Variants in JAKMIP3 observed in about 807,000 individuals in gnomAD.
The protein encoded by JAKMIP3 is Janus kinase and microtubule interacting protein 3.
In JAKMIP3, 58 loss-of-function variants were observed where a neutral mutation model predicts 118.5. The observed-to-expected ratio is 0.49, with a 90% CI of 0.40 to 0.61. JAKMIP3 has a LOEUF of 0.61. JAKMIP3 is among the 20% of genes least tolerant of loss of function. The probability of loss-of-function intolerance (pLI) is 0.00; values close to 1 mark genes in which losing one functional copy is unlikely to be tolerated. For missense variants in JAKMIP3, 950 were observed against 1,109.0 expected (o/e 0.86, Z 2.04); for synonymous variants, 486 against 451.2 (o/e 1.08, Z -0.98).
At chr10:132,127,411 T>TGC (rs1271501288) in intron 3 of JAKMIP3, among the ~76,000 whole-genome samples, 1 of 151,240 alleles carries the variant, frequency 6.6e-6, no homozygotes, top group Non-Finnish European at 1.5e-5. Context: ...TGTGTGTGTG[T>TGC]GTGTGTGCGT....
chr10:132,104,763 C>T lies in JAKMIP3; in HGVS notation c.-46C>T, dbSNP rs763646214. ...CCAGCCACCCCCAGCCCAGCCCAGC[C>T]GGAGCACCCTACCCCTGGGCATCCC... On this transcript the variant is annotated 5_prime_UTR_variant, in exon 2 of 24. Coordinates refer to ENST00000684848, the MANE Select transcript of JAKMIP3 (RefSeq NM_001323087.2). 7.4e-5 allele frequency: 114 copies of T among 1,537,712 alleles called. No homozygotes were observed. Among genetic ancestry groups the T allele is most frequent in the African/African-American group, 1.6e-4 (12 of 72,832 alleles).
chr10:132,141,380 C>T (rs1296969807), intron 10 of JAKMIP3, among the ~76,000 whole-genome samples: 2 of 152,178 alleles, frequency 1.3e-5, no homozygotes, highest in East Asian at 1.9e-4. Flanking sequence ...AAGGCAGCAG[C>T]AGGCTCACCT....
At chr10:132,116,000 G>A (rs1044929110) in intron 2 of JAKMIP3, among the ~76,000 whole-genome samples, 5 of 152,240 alleles carry the variant, frequency 3.3e-5, no homozygotes, top group African/African-American at 4.8e-5. Flanking sequence ...CCTGGCCCAC[G>A]GCAGGCAGCG....
At position 132,145,193 on chromosome 10, in the gene JAKMIP3, G is replaced by A. The variant is rs1478936690; in HGVS notation, c.1686+3G>A. 1.2e-6 allele frequency: 2 copies of A among 1,605,830 alleles called. No homozygotes were observed. The highest frequency in any genetic ancestry group is 1.7e-6 in the Non-Finnish European group (2 of 1,176,756). Reference sequence around the variant, plus strand: ...AGGCCCTGGCGGAGCAGGGGCAGGTGAGCCTGCAGCCATCTGCACGGGCGT... The same window carrying A: ...AGGCCCTGGCGGAGCAGGGGCAGGTAAGCCTGCAGCCATCTGCACGGGCGT... On this transcript the variant is annotated splice_donor_region_variant and intron_variant, in intron 12 of 23. Coordinates refer to ENST00000684848, the MANE Select transcript of JAKMIP3 (RefSeq NM_001323087.2).
At chr10:132,126,759 CTTTA>C (rs747946242) in intron 3 of JAKMIP3, among the ~76,000 whole-genome samples, 14 of 148,474 alleles carry the variant, frequency 9.4e-5, no homozygotes, top group Admixed American at 6.7e-5. Flanking sequence ...GTGTTTTTTT[CTTTA>C]TTCTGTTGAT....
chr10:132,176,898 C>T (rs1034867994), intron 23 of JAKMIP3, among the ~76,000 whole-genome samples: 4 of 152,002 alleles, frequency 2.6e-5, no homozygotes, highest in Admixed American at 2.0e-4. Flanking sequence ...TTGGAATCTT[C>T]GACTTTGGGA....
In JAKMIP3 at chr10:132,117,405, A is replaced by G. The variant is rs2047852421; in HGVS notation, c.464A>G (p.Gln155Arg). The G allele has an allele frequency of 1.2e-6, 2 of 1,614,030 alleles. No individual in the cohort carries two copies. The highest frequency in any genetic ancestry group is 4.5e-5 in the East Asian group (2 of 44,874). Residue 155 changes from glutamine to arginine, a missense_variant, in exon 3 of 24, where the codon CAG becomes CGG. Transcript: ENST00000684848. This position sits in a 1 kb window ranked among gnomAD's most constrained non-coding sequence, Gnocchi z 8.6. ...TTCGAGGTGGAGAAGGTCAAGATGC[A>G]GCAGGAGATCTCCGAGCTCAAGGGC... ...KGFEVEKVKMQQEISELKGAK... is the reference protein window; with the variant it reads ...KGFEVEKVKMRQEISELKGAK...
intron 23 of JAKMIP3, among the ~76,000 whole-genome samples, chr10:132,173,234 A>G (rs1252799821): frequency 1.7e-5 from 1 of 57,974 alleles, no homozygotes; most frequent in Non-Finnish European, 3.2e-5. Flanking sequence ...TCATCTACCT[A>G]CCTATCTATT....
chr10:132,140,510 C>T lies in JAKMIP3; in HGVS notation c.1404C>T (p.Gly468=), dbSNP rs1236321246. ...AAGAGGCTTCCCTGGAATCCGACGGCTCCTCCGTCTCTTACCAAACAGACA... is the reference window on the plus strand; with the variant it reads ...AAGAGGCTTCCCTGGAATCCGACGGTTCCTCCGTCTCTTACCAAACAGACA... ...YDEEASLESD[G]SSVSYQTDRT... The change falls in exon 10 of 24, where the codon GGC becomes GGT. Residue 468 remains glycine (G), a synonymous_variant. Transcript: ENST00000684848. 5 of 1,613,686 alleles carry T rather than the reference C, an allele frequency of 3.1e-6. No individual in the cohort carries two copies. In the African/African-American group the frequency reaches 5.3e-5, roughly 17 times the overall value.
rs1346551896 is a variant in JAKMIP3 at position 132,104,928 on chromosome 10, G to T, written c.120G>T (p.Gln40His). The T allele has an allele frequency of 6.3e-7, 1 of 1,592,068 alleles. No homozygotes were observed. The highest frequency in any genetic ancestry group is 8.6e-7 in the Non-Finnish European group (1 of 1,169,436). Residue 40 changes from glutamine (Q) to histidine (H), a missense_variant, in exon 2 of 24, where the codon CAG becomes CAT. Gln to His is a conservative substitution (Grantham distance 24). Coordinates refer to ENST00000684848, the MANE Select transcript of JAKMIP3 (RefSeq NM_001323087.2). ...TCACAGACATCCAGATCGAGCTGCA[G>T]CAGGAGAAGAGCAAGGTGGGCGCTC... Reference protein sequence around the residue: ...AKLTDIQIELQQEKSKVSKVE... With the variant: ...AKLTDIQIELHQEKSKVSKVE...
chr10:132,134,680 G>A (rs1589899346), intron 4 of JAKMIP3, among the ~76,000 whole-genome samples: 2 of 152,212 alleles, frequency 1.3e-5, no homozygotes, highest in Admixed American at 6.5e-5. Flanking sequence ...GCTGGCAGAC[G>A]TCCTCCTGGC....
At chr10:132,151,428 G>C (rs2056182365) in intron 16 of JAKMIP3, among the ~76,000 whole-genome samples, 1 of 152,018 alleles carries the variant, frequency 6.6e-6, no homozygotes, top group Non-Finnish European at 1.5e-5. Flanking sequence ...GAGGCACAGG[G>C]CAGGGGTACT....
At chr10:132,152,414 C>T (rs1209093340) in intron 16 of JAKMIP3, among the ~76,000 whole-genome samples, 5 of 152,194 alleles carry the variant, frequency 3.3e-5, no homozygotes, top group African/African-American at 1.2e-4. Flanking sequence ...AAGCCATAAT[C>T]ACTCTACCCA....
In JAKMIP3 at chr10:132,172,536, G is replaced by A. The variant is rs568330934; in HGVS notation, c.*1103+3503G>A. 2.6e-5 allele frequency among the ~76,000 whole-genome samples: 4 copies of A among 152,076 alleles called. No individual in the cohort carries two copies. The East Asian group carries it at 7.7e-4, about 29-fold the overall frequency. On this transcript the variant is annotated intron_variant, in intron 23 of 23. Coordinates refer to ENST00000684848, the MANE Select transcript of JAKMIP3 (RefSeq NM_001323087.2). ...CCCCTTCCTTCTATTTCATTGGTTAGAATTTTCCTATAGAGAAGACCTGCC... is the reference window on the plus strand; with the variant it reads ...CCCCTTCCTTCTATTTCATTGGTTAAAATTTTCCTATAGAGAAGACCTGCC...
Position 132,137,169 on chromosome 10 carries a change from G to T in JAKMIP3, c.1248+19G>T, listed in dbSNP as rs2051963115. ...GTCTAAGGTACCCGGCGGGCTGTTT[G>T]CTGCGGCCCCGTCCTCTGGCTCCCA... is the stretch of plus-strand genomic sequence containing the variant. On this transcript the variant is annotated intron_variant, in intron 7 of 23. Transcript: ENST00000684848. The T allele has an allele frequency of 3.1e-6, 5 of 1,613,784 alleles. No individual in the cohort carries two copies. The South Asian group carries it at 4.4e-5, about 14-fold the overall frequency.
Position 132,112,645 on chromosome 10 carries a change from C to T in JAKMIP3, c.136-4432C>T, listed in dbSNP as rs1387954305. On this transcript the variant is annotated intron_variant, in intron 2 of 23. Transcript: ENST00000684848. The surrounding 1 kb of genome is among the most constrained non-coding windows in gnomAD (Gnocchi z 4.3). Reference sequence around the variant, plus strand: ...CCTGCCTTCCCCTGGGGACTGTCTGCTTATTACTGTGGGTACCTGAATGTT... The same window carrying T: ...CCTGCCTTCCCCTGGGGACTGTCTGTTTATTACTGTGGGTACCTGAATGTT... Among the ~76,000 whole-genome samples, 1 of 152,164 alleles carries T rather than the reference C, an allele frequency of 6.6e-6. No homozygotes were observed. The highest frequency in any genetic ancestry group is 1.5e-5 in the Non-Finnish European group (1 of 68,022).
At chr10:132,038,520 G>A (rs2037594308) in intron 1 of JAKMIP3, among the ~76,000 whole-genome samples, 1 of 152,214 alleles carries the variant, frequency 6.6e-6, no homozygotes. Flanking sequence ...ACCATGGCCA[G>A]GTGTGGTGGC....
intron 19 of JAKMIP3, 131 bp downstream of exon 19, chr10:132,154,121 A>T: frequency 1.4e-6 from 1 of 706,148 alleles, no homozygotes. Context: ...GCCCCTAATG[A>T]CACCTGCACA....
At chr10:132,091,384 A>G (rs2043068955) in intron 1 of JAKMIP3, among the ~76,000 whole-genome samples, 1 of 151,032 alleles carries the variant, frequency 6.6e-6, no homozygotes, top group Non-Finnish European at 1.5e-5. Context: ...TGGGGTGTCA[A>G]CATTATTATT....
Sources: allele counts gnomAD v4.1 joint callset (sites outside exome capture counted in the v4.1 genomes callset), GRCh38; gene constraint gnomAD v4.1.1; non-coding constraint Gnocchi (gnomAD v3.1); transcripts MANE v1.5; gene names NCBI Gene and HGNC (gene_info 2026-07-23, HGNC 2026-07-21).